Variants in ACAN observed in about 807,000 individuals in gnomAD.
ACAN encodes aggrecan core protein.
A neutral mutation model predicts 169.1 loss-of-function variants in ACAN; 47 were observed. The observed-to-expected ratio is 0.28, with a 90% confidence interval of 0.22 to 0.35. The LOEUF (loss-of-function observed/expected upper bound fraction) is 0.35, where lower values mean the gene tolerates loss of function less well. Ranked by LOEUF, ACAN falls within the 10% of genes least tolerant of loss-of-function variation. ACAN has a pLI of 1.00. For missense variants in ACAN, 2,716 were observed against 2,759.9 expected (o/e 0.98, Z 0.36); for synonymous variants, 1,115 against 1,112.2 (o/e 1.00, Z -0.05).
intron 1 of ACAN, among the ~76,000 whole-genome samples, chr15:88,813,195 T>C (rs1895863022): frequency 6.6e-6 from 1 of 152,182 alleles, no homozygotes; most frequent in Non-Finnish European, 1.5e-5. Flanking sequence ...GCTGGACAAA[T>C]AACTTCAGAG....
Position 88,849,156 on chromosome 15 carries a change from T to C in ACAN, c.1733-282T>C, listed in dbSNP as rs1896868342. 6.6e-6 allele frequency among the ~76,000 whole-genome samples: 1 copy of C among 152,210 alleles called. No homozygotes were observed. Among genetic ancestry groups the C allele is most frequent in the Non-Finnish European group, 1.5e-5 (1 of 68,044 alleles). ...GAAAAGAGGGACGGAGGAGAAGTTG[T>C]TGTGGAAACAACTCAGCCCAGTTTT... is the stretch of plus-strand genomic sequence containing the variant. On this transcript the variant is annotated intron_variant, in intron 9 of 18. Transcript: ENST00000560601. The surrounding 1 kb of genome is among the most constrained non-coding windows in gnomAD (Gnocchi z 5.1).
Position 88,871,411 on chromosome 15 carries a change from A to G in ACAN, c.7090A>G (p.Lys2364Glu), listed in dbSNP as rs745755155. The change falls in exon 15 of 19, where the codon AAG becomes GAG. Residue 2364 changes from lysine to glutamate, a missense_variant. By Grantham distance (56) the Lys-to-Glu change is moderately conservative (BLOSUM62 1). Coordinates refer to ENST00000560601, the MANE Select transcript of ACAN (RefSeq NM_001369268.1). This position sits in a 1 kb window ranked among gnomAD's most constrained non-coding sequence, Gnocchi z 7.8. Reference sequence around the variant, plus strand: ...GGAGGTATGTGAGGAGGGCTGGAACAAGTACCAGGGCCACTGTTACCGCCA... The same window carrying G: ...GGAGGTATGTGAGGAGGGCTGGAACGAGTACCAGGGCCACTGTTACCGCCA... ...DQEVCEEGWN[K>E]YQGHCYRHFP... is the part of the protein sequence containing the mutation. The G allele has an allele frequency of 3.7e-6, 6 of 1,613,806 alleles. No individual in the cohort carries two copies. The African/African-American group carries it at 8.0e-5, about 22-fold the overall frequency.
At chr15:88,853,743 T>C (rs1186476496) in intron 11 of ACAN, among the ~76,000 whole-genome samples, 3 of 114,644 alleles carry the variant, frequency 2.6e-5, no homozygotes, top group African/African-American at 1.2e-4. Context: ...AGATGATAGA[T>C]AGATAGATAG....
chr15:88,843,446 G>A lies in ACAN; in HGVS notation c.849G>A (p.Thr283=), dbSNP rs534544364. The change falls in exon 6 of 19, where the codon ACG becomes ACA. Residue 283 remains threonine, a synonymous_variant. Transcript: ENST00000560601. The surrounding 1 kb of genome is among the most constrained non-coding windows in gnomAD (Gnocchi z 4.0). ...CRRLGARLAT[T]GQLYLAWQAG... ...GGCTGGGTGCCCGGCTGGCCACCAC[G>A]GGCCAGCTCTACCTGGCCTGGCAGG... 19 of 1,609,732 alleles carry A rather than the reference G, an allele frequency of 1.2e-5. No homozygotes were observed. In the South Asian group the frequency reaches 1.7e-4, roughly 14 times the overall value.
In ACAN at chr15:88,874,382, T is replaced by A. The variant is rs749096685; in HGVS notation, c.7631-23T>A. ...CTTTCTTTCCAGGTCCACTGATATC[T>A]TTCCATCTCCCTTTCGTCCTAGCCA... On this transcript the variant is annotated intron_variant, in intron 18 of 18. Coordinates refer to ENST00000560601, the MANE Select transcript of ACAN (RefSeq NM_001369268.1). This position sits in a 1 kb window ranked among gnomAD's most constrained non-coding sequence, Gnocchi z 7.3. 6.3e-7 allele frequency: 1 copy of A among 1,579,544 alleles called. No homozygotes were observed.
Position 88,851,870 on chromosome 15 carries a change from C to T in ACAN, c.2103C>T (p.Ile701=), listed in dbSNP as rs1324029871. Residue 701 remains isoleucine, a synonymous_variant, in exon 11 of 19, where the codon ATC becomes ATT. Coordinates refer to ENST00000560601, the MANE Select transcript of ACAN (RefSeq NM_001369268.1). This position sits in a 1 kb window ranked among gnomAD's most constrained non-coding sequence, Gnocchi z 4.3. The part of the protein sequence containing the change: ...PTSPSGVEEW[I]VTQVVPGVAA... Reference sequence around the variant, plus strand: ...CACCCTCTGGTGTGGAGGAGTGGATCGTGACCCAAGTGGTTCCTGGTGTGG... The same window carrying T: ...CACCCTCTGGTGTGGAGGAGTGGATTGTGACCCAAGTGGTTCCTGGTGTGG... 4.3e-6 allele frequency: 7 copies of T among 1,612,300 alleles called. No individual in the cohort carries two copies. The highest frequency in any genetic ancestry group is 1.1e-5 in the South Asian group (1 of 90,556).
intron 6 of ACAN, among the ~76,000 whole-genome samples, chr15:88,844,294 CT>C (rs71149235): frequency 0.46 from 48,389 of 104,526 alleles, 9,609 homozygotes; most frequent in Non-Finnish European, 0.52. Context: ...CCATGCTTTG[CT>C]TTTTTTTTTT....
intron 1 of ACAN, among the ~76,000 whole-genome samples, chr15:88,813,559 A>C (rs1377918546): frequency 6.6e-6 from 1 of 152,160 alleles, no homozygotes; most frequent in Non-Finnish European, 1.5e-5. Context: ...GTGATGACTC[A>C]AACATCGTCA....
At position 88,838,817 on chromosome 15, in the gene ACAN, G is replaced by A. The variant is rs1168641758; in HGVS notation, c.225G>A (p.Trp75Ter). ...STAPLAPRIK[W>*]SRVSKEKEVV... ...CCCCACTGGCCCCAAGAATCAAGTG[G>A]AGCCGTGTGTCCAAGGAGAAGGAGG... The change falls in exon 3 of 19, where the codon TGG becomes TGA. Residue 75 changes from tryptophan (W) to a stop codon, truncating the protein, a stop_gained. Transcript: ENST00000560601. LOFTEE classifies it high-confidence loss of function. The surrounding 1 kb of genome is among the most constrained non-coding windows in gnomAD (Gnocchi z 5.1). 6.2e-7 allele frequency: 1 copy of A among 1,613,996 alleles called. No homozygotes were observed. Among genetic ancestry groups the A allele is most frequent in the African/African-American group, 1.3e-5 (1 of 75,036 alleles).
At chr15:88,847,773 C>T (rs1023526803) in intron 8 of ACAN, 138 bp from the exon 9 acceptor site, 12 of 1,170,858 alleles carry the variant, frequency 1.0e-5, no homozygotes, top group East Asian at 2.6e-5. Context: ...GCATAAGGGG[C>T]TTTTTCCTGG....
chr15:88,842,879 C>T (rs1481830357), intron 5 of ACAN, among the ~76,000 whole-genome samples: 1 of 152,158 alleles, frequency 6.6e-6, no homozygotes, highest in Admixed American at 6.5e-5. Flanking sequence ...GAATGATGCT[C>T]TTACGGACTC....
In ACAN at chr15:88,839,161, G is replaced by C; in HGVS notation, c.454+115G>C. ...CAAACCAGCTCCTCCACGCACCTCA[G>C]CCAAGTTACTTAACTTCAGCTGCTT... On this transcript the variant is annotated intron_variant, in intron 3 of 18. Transcript: ENST00000560601. This position sits in a 1 kb window ranked among gnomAD's most constrained non-coding sequence, Gnocchi z 4.5. 7.3e-7 allele frequency: 1 copy of C among 1,361,398 alleles called. No homozygotes were observed. The highest frequency in any genetic ancestry group is 1.0e-6 in the Non-Finnish European group (1 of 999,918). 84.3% of individuals were successfully genotyped at this position (1,361,398 alleles called of 1,614,324 possible).
rs1170294111 is a variant in ACAN at position 88,824,418 on chromosome 15, A to G, written c.-7-11782A>G. ...GCCTAGTGATTAAGAGAATTCATTC[A>G]TTCAACAAATACTTGTTGAGCACCT... On this transcript the variant is annotated intron_variant, in intron 1 of 18. Coordinates refer to ENST00000560601, the MANE Select transcript of ACAN (RefSeq NM_001369268.1). Among the ~76,000 whole-genome samples, 11 of 152,328 alleles carry G rather than the reference A, an allele frequency of 7.2e-5. No individual in the cohort carries two copies. The East Asian group carries it at 2.1e-3, about 29-fold the overall frequency.
At position 88,872,082 on chromosome 15, in the gene ACAN, C is replaced by G; in HGVS notation, c.7299C>G (p.Pro2433=). ...ACTTCCGCTGGTCAGATGGACACCC[C>G]ATGGTGAGTTCTGCTGTAGGCACAG... ...EGDFRWSDGH[P]MQFENWRPNQ... is the part of the protein sequence containing the mutation. Residue 2433 remains proline (P), a synonymous_variant, in exon 16 of 19, where the codon CCC becomes CCG. Transcript: ENST00000560601. This position sits in a 1 kb window ranked among gnomAD's most constrained non-coding sequence, Gnocchi z 5.4. The G allele has an allele frequency of 6.2e-7, 1 of 1,613,706 alleles. No individual in the cohort carries two copies. The highest frequency in any genetic ancestry group is 8.5e-7 in the Non-Finnish European group (1 of 1,179,730).
Position 88,851,731 on chromosome 15 carries a change from G to A in ACAN, c.2027-63G>A, listed in dbSNP as rs1896933832. ...AGTCCCCTAGCTCCCCTCAAGAAGGGCCAGCCAAGGACGGGTCACTGGTAA... is the reference window on the plus strand; with the variant it reads ...AGTCCCCTAGCTCCCCTCAAGAAGGACCAGCCAAGGACGGGTCACTGGTAA... On this transcript the variant is annotated intron_variant, in intron 10 of 18. Coordinates refer to ENST00000560601, the MANE Select transcript of ACAN (RefSeq NM_001369268.1). This position sits in a 1 kb window ranked among gnomAD's most constrained non-coding sequence, Gnocchi z 4.3. 6.7e-7 allele frequency: 1 copy of A among 1,489,240 alleles called. No individual in the cohort carries two copies. Among genetic ancestry groups the A allele is most frequent in the Non-Finnish European group, 9.0e-7 (1 of 1,114,782 alleles). 92.3% of individuals were successfully genotyped at this position (1,489,240 alleles called of 1,614,324 possible).
At position 88,838,962 on chromosome 15, in the gene ACAN, C is replaced by T. The variant is rs201105250; in HGVS notation, c.370C>T (p.Arg124Cys). 4.8e-5 allele frequency: 78 copies of T among 1,613,466 alleles called. No individual in the cohort carries two copies. The highest frequency in any genetic ancestry group is 6.2e-5 in the Non-Finnish European group (73 of 1,179,910). The change falls in exon 3 of 19, where the codon CGC becomes TGC. Residue 124 changes from arginine to cysteine, a missense_variant. By Grantham distance (180) the Arg-to-Cys change is radical. This residue lies in a region of ACAN where 1,283 missense variants were observed against 1,281.5 expected (regional missense o/e 1.00). Transcript: ENST00000560601. The surrounding 1 kb of genome is among the most constrained non-coding windows in gnomAD (Gnocchi z 5.1). The stretch of plus-strand genomic sequence containing the variant: ...CGCCACCTTGGAAGTCCAGAGCCTG[C>T]GCTCCAATGACTCTGGGGTCTACCG... ...SDATLEVQSL[R>C]SNDSGVYRCE...
At chr15:88,808,427 A>G (rs1158754024) in intron 1 of ACAN, among the ~76,000 whole-genome samples, 1 of 152,198 alleles carries the variant, frequency 6.6e-6, no homozygotes, top group East Asian at 1.9e-4. Flanking sequence ...CATGGATAAC[A>G]TAGCAGTGAA....
At chr15:88,821,581 GA>G (rs1443470115) in intron 1 of ACAN, among the ~76,000 whole-genome samples, 1 of 152,218 alleles carries the variant, frequency 6.6e-6, no homozygotes, top group African/African-American at 2.4e-5. Context: ...CAGAGGAAAG[GA>G]AAGAGGAGGA....
At chr15:88,853,896 C>T (rs1043944266) in intron 11 of ACAN, among the ~76,000 whole-genome samples, 1 of 151,882 alleles carries the variant, frequency 6.6e-6, no homozygotes, top group African/African-American at 2.4e-5. Context: ...CCCACCTCCC[C>T]CTCTAAGATT....
Sources: gnomAD v4.1 joint callset for allele counts (sites outside exome capture counted in the v4.1 genomes callset) on GRCh38, gnomAD v4.1.1 for gene constraint, gnomAD v4.1.1 regional missense constraint, Gnocchi (gnomAD v3.1) non-coding constraint, MANE v1.5 for transcripts, NCBI Gene and HGNC (gene_info 2026-07-23, HGNC 2026-07-21) for gene names.